The following CAMTA1 variants were observed in gnomAD, a reference collection of about 807,000 sequenced individuals.
The protein encoded by CAMTA1 is calmodulin-binding transcription activator 1.
Under a neutral mutation model 170.9 loss-of-function variants are expected in CAMTA1, and 27 were observed. The observed-to-expected ratio is 0.16, with a 90% CI of 0.12 to 0.22. The LOEUF (loss-of-function observed/expected upper bound fraction) is 0.22, where lower values mean the gene tolerates loss of function less well. Ranked by LOEUF, CAMTA1 falls within the 10% of genes least tolerant of loss-of-function variation. CAMTA1 has a pLI of 1.00. For synonymous variants in CAMTA1, 833 were observed against 891.5 expected (o/e 0.93, Z 1.17); for missense variants, 1,619 against 2,217.2 (o/e 0.73, Z 5.42).
At chr1:7,244,903 A>C (rs1018957160) in intron 4 of CAMTA1, among the ~76,000 whole-genome samples, 4 of 151,986 alleles carry the variant, frequency 2.6e-5, no homozygotes, top group Non-Finnish European at 4.4e-5. Context: ...AATAATAATA[A>C]AAATAAATAC....
At chr1:6,893,548 T>C (rs1044801981) in intron 3 of CAMTA1, among the ~76,000 whole-genome samples, 1 of 152,230 alleles carries the variant, frequency 6.6e-6, no homozygotes, top group Non-Finnish European at 1.5e-5. Context: ...AGATCATCCC[T>C]GTTGATTAGG....
chr1:7,245,605 G>A (rs1364273120), intron 4 of CAMTA1, among the ~76,000 whole-genome samples: 2 of 151,940 alleles, frequency 1.3e-5, no homozygotes, highest in Non-Finnish European at 2.9e-5. Context: ...GGTTTTGCTC[G>A]CTATTAGTCT....
intron 5 of CAMTA1, among the ~76,000 whole-genome samples, chr1:7,280,480 G>C (rs561752167): frequency 7.9e-5 from 12 of 152,382 alleles, no homozygotes; most frequent in African/African-American, 2.9e-4. Context: ...GTGCACTGCT[G>C]AGTGTAATGG....
At chr1:7,511,711 T>A (rs1212725) in intron 6 of CAMTA1, among the ~76,000 whole-genome samples, 45,312 of 152,054 alleles carry the variant, frequency 0.3, 6,908 homozygotes, top group Non-Finnish European at 0.33. Context: ...CTCAAAAGGC[T>A]GGTGAGGTTT....
At chr1:6,883,951 G>A (rs905274005) in intron 3 of CAMTA1, among the ~76,000 whole-genome samples, 2 of 152,070 alleles carry the variant, frequency 1.3e-5, no homozygotes, top group African/African-American at 2.4e-5. Flanking sequence ...ACTTATTTTG[G>A]TATGAAGTCT....
At chr1:6,909,489 C>T (rs1035180147) in intron 3 of CAMTA1, among the ~76,000 whole-genome samples, 8 of 152,252 alleles carry the variant, frequency 5.3e-5, no homozygotes, top group Non-Finnish European at 1.0e-4. Flanking sequence ...CAGGTTGGGG[C>T]GGGGGGCCTC....
At chr1:7,178,219 T>A (rs1204543806) in intron 4 of CAMTA1, among the ~76,000 whole-genome samples, 8 of 152,166 alleles carry the variant, frequency 5.3e-5, no homozygotes, top group Non-Finnish European at 8.8e-5. Context: ...TGGTGCAGAG[T>A]GTAGGGCCAT....
chr1:7,521,839 G>A (rs1476179590), intron 6 of CAMTA1, among the ~76,000 whole-genome samples: 5 of 152,134 alleles, frequency 3.3e-5, no homozygotes, highest in Non-Finnish European at 5.9e-5. Context: ...GAGCCACTGC[G>A]CTCACTCCAC....
At chr1:7,402,473 G>A (rs1044857841) in intron 5 of CAMTA1, among the ~76,000 whole-genome samples, 1 of 152,172 alleles carries the variant, frequency 6.6e-6, no homozygotes, top group African/African-American at 2.4e-5. Flanking sequence ...CCAGCTTGGG[G>A]TTAGATATCT....
chr1:6,968,596 A>T (rs982617174), intron 3 of CAMTA1, among the ~76,000 whole-genome samples: 4 of 152,032 alleles, frequency 2.6e-5, no homozygotes, highest in Admixed American at 2.6e-4. Context: ...AGTAGTTAGG[A>T]TTGTGATCGA....
rs529085164 is a variant in CAMTA1, at chr1:7,057,044, A to G, written c.235-34260A>G. ...ATAGGGCCAGGCACTTCCCACCTGC[A>G]TGGCTTAGGGCCAGGCCCTTCTCTC... is the stretch of plus-strand genomic sequence containing the variant. On this transcript the variant is annotated intron_variant, in intron 3 of 22. Coordinates refer to ENST00000303635, the MANE Select transcript of CAMTA1 (RefSeq NM_015215.4). Among the ~76,000 whole-genome samples the G allele has an allele frequency of 2.6e-5, 4 of 152,144 alleles. No homozygotes were observed. In the South Asian group the frequency reaches 8.3e-4, roughly 32 times the overall value.
At chr1:7,052,356 T>G (rs1196354400) in intron 3 of CAMTA1, among the ~76,000 whole-genome samples, 2 of 152,050 alleles carry the variant, frequency 1.3e-5, no homozygotes, top group Non-Finnish European at 2.9e-5. Flanking sequence ...CAGCGACTCA[T>G]CCCTAGGCCC....
intron 6 of CAMTA1, among the ~76,000 whole-genome samples, chr1:7,488,682 CACAT>C (rs1347884683): frequency 6.6e-6 from 1 of 152,148 alleles, no homozygotes; most frequent in African/African-American, 2.4e-5. Context: ...TGCATACACA[CACAT>C]ATACACATAA....
intron 19 of CAMTA1, among the ~76,000 whole-genome samples, chr1:7,750,274 GT>G (rs891345174): frequency 5.3e-5 from 8 of 152,194 alleles, no homozygotes; most frequent in African/African-American, 1.9e-4. Context: ...TGAGAAGTCA[GT>G]TTCCCTCCCT....
At chr1:6,858,977 T>C (rs1014513846) in intron 3 of CAMTA1, among the ~76,000 whole-genome samples, 6 of 152,258 alleles carry the variant, frequency 3.9e-5, no homozygotes, top group African/African-American at 1.2e-4. Context: ...CATAGATTGC[T>C]GTCCCCTCCC....
intron 9 of CAMTA1, among the ~76,000 whole-genome samples, chr1:7,668,425 ACACACACC>A (rs879773700): frequency 0.04 from 5,556 of 137,372 alleles, 340 homozygotes; most frequent in Admixed American, 0.17. Flanking sequence ...ACACACACAC[ACACACACC>A]CACCACACAC....
chr1:7,322,605 T>C (rs1310306301), intron 5 of CAMTA1, among the ~76,000 whole-genome samples: 1 of 152,390 alleles, frequency 6.6e-6, no homozygotes, highest in East Asian at 1.9e-4. Context: ...AGCCACTTTC[T>C]GTTTCTTTTT....
At chr1:6,844,920 AG>A (rs1361020153) in intron 3 of CAMTA1, among the ~76,000 whole-genome samples, 3 of 152,194 alleles carry the variant, frequency 2.0e-5, no homozygotes, top group African/African-American at 7.2e-5. Flanking sequence ...GGATTCAGTC[AG>A]GGAAGCAGAA....
chr1:7,029,132 T>C (rs1702430193), intron 3 of CAMTA1, among the ~76,000 whole-genome samples: 1 of 152,174 alleles, frequency 6.6e-6, no homozygotes, highest in Non-Finnish European at 1.5e-5. Flanking sequence ...ATAGTTTGAG[T>C]ATGGTGCCTG....
Sources: gnomAD v4.1 joint callset for allele counts (sites outside exome capture counted in the v4.1 genomes callset) on GRCh38, gnomAD v4.1.1 for gene constraint, MANE v1.5 for transcripts, NCBI Gene and HGNC (gene_info 2026-07-23, HGNC 2026-07-21) for gene names.